GPM6B: variants seen among roughly 807,000 people sequenced by gnomAD.
GPM6B encodes the protein neuronal membrane glycoprotein M6-b.
GPM6B carries 4 observed loss-of-function variants against 27.2 expected under a neutral mutation model. The observed-to-expected ratio is 0.15, with a 90% CI of 0.07 to 0.34. GPM6B has a LOEUF of 0.34. Ranked by LOEUF, GPM6B falls within the 10% of genes least tolerant of loss-of-function variation. The pLI, the probability that GPM6B is intolerant of heterozygous loss-of-function variation, is 1.00. For missense variants in GPM6B, 183 were observed against 261.9 expected (o/e 0.70, Z 2.08); for synonymous variants, 124 against 103.1 (o/e 1.20, Z -1.23).
chrX:13,805,980 T>G (rs958855162), intron 2 of GPM6B, among the ~76,000 whole-genome samples: 1 of 110,272 alleles, frequency 9.1e-6, no homozygotes, highest in Non-Finnish European at 1.9e-5. Context: ...CATCTCATGG[T>G]TTTTTTTGCT....
chrX:13,785,598 T>C (rs1296133380), intron 3 of GPM6B, 24 bp downstream of exon 3: 1 of 1,201,350 alleles, frequency 8.3e-7, no homozygotes. Context: ...TTAGATGCAT[T>C]TTTAAAGGGA....
chrX:13,828,418 TCAG>T (rs2049401260), intron 1 of GPM6B, among the ~76,000 whole-genome samples: 1 of 111,305 alleles, frequency 9.0e-6, no homozygotes, highest in African/African-American at 3.3e-5. Context: ...ACTGTCCCCA[TCAG>T]CAAGAAGGCC....
chrX:13,816,542 C>T (rs144490767), intron 1 of GPM6B, among the ~76,000 whole-genome samples: 1,176 of 111,209 alleles, frequency 0.011, 12 homozygotes, highest in African/African-American at 0.036. Context: ...ACCTAAGTTA[C>T]GATTAATTAT....
At chrX:13,862,553 A>G (rs1196473147) in intron 1 of GPM6B, among the ~76,000 whole-genome samples, 3 of 112,326 alleles carry the variant, frequency 2.7e-5, no homozygotes, top group Non-Finnish European at 5.6e-5. Context: ...GTAGGTGGGC[A>G]ATATGAAGCA....
intron 1 of GPM6B, among the ~76,000 whole-genome samples, chrX:13,880,645 C>T (rs1457647937): frequency 2.4e-5 from 2 of 82,141 alleles, no homozygotes; most frequent in Non-Finnish European, 4.2e-5. Context: ...CACTGCACTC[C>T]AGCCTGGGAG....
At chrX:13,828,510 T>A (rs1313727733) in intron 1 of GPM6B, among the ~76,000 whole-genome samples, 1 of 111,705 alleles carries the variant, frequency 9.0e-6, no homozygotes, top group Non-Finnish European at 1.9e-5. Flanking sequence ...TCTTTGTAAG[T>A]TTCCCAATTT....
chrX:13,851,170 A>C (rs2147241457), intron 1 of GPM6B, among the ~76,000 whole-genome samples: 1 of 109,224 alleles, frequency 9.2e-6, no homozygotes, highest in East Asian at 2.8e-4. Flanking sequence ...CTCCAAAAAA[A>C]AAAAAAAAAA....
Position 13,827,611 on chromosome X carries a change from T to C in GPM6B, c.-197-41803A>G, listed in dbSNP as rs137998273. Among the ~76,000 whole-genome samples, 106 of 111,814 alleles carry C rather than the reference T, an allele frequency of 9.5e-4. 1 individual carries two copies. Among genetic ancestry groups the C allele is most frequent in the African/African-American group, 3.3e-3 (101 of 30,836 alleles). ...TGCCAACTTGGATGAGGCCTAACCTTCAATACTGTGCCACCATGGAAAGCT... is the reference window on the plus strand; with the variant it reads ...TGCCAACTTGGATGAGGCCTAACCTCCAATACTGTGCCACCATGGAAAGCT... On this transcript the variant is annotated intron_variant, in intron 1 of 6. Coordinates refer to the GPM6B transcript ENST00000398361.
intron 3 of GPM6B, among the ~76,000 whole-genome samples, chrX:13,784,831 G>C (rs1230662329): frequency 2.7e-5 from 3 of 111,900 alleles, no homozygotes; most frequent in Non-Finnish European, 5.6e-5. Flanking sequence ...CTGCTCTTCT[G>C]CAATGGAGGA....
At chrX:13,926,374 C>G (rs1162539543) in intron 1 of GPM6B, among the ~76,000 whole-genome samples, 2 of 108,542 alleles carry the variant, frequency 1.8e-5, no homozygotes, top group Non-Finnish European at 3.8e-5. Context: ...CGCCACTGCA[C>G]TCCAGCCTGG....
At chrX:13,807,551 G>T in intron 2 of GPM6B, 99 bp downstream of exon 2, 1 of 709,874 alleles carries the variant, frequency 1.4e-6, no homozygotes, top group Non-Finnish European at 2.0e-6. Flanking sequence ...AATGCACCAA[G>T]CAAAACATAA....
chrX:13,851,776 T>C (rs981281198), intron 1 of GPM6B, among the ~76,000 whole-genome samples: 5 of 111,302 alleles, frequency 4.5e-5, no homozygotes, highest in African/African-American at 1.6e-4. Flanking sequence ...TAGGGTATCA[T>C]TGCCAGGAAG....
At chrX:13,869,217 G>A in intron 1 of GPM6B, among the ~76,000 whole-genome samples, 1 of 112,145 alleles carries the variant, frequency 8.9e-6, no homozygotes, top group Non-Finnish European at 1.9e-5. Flanking sequence ...AGTGAAAGAA[G>A]CCAGACACAA....
At chrX:13,874,614 G>A (rs375193709) in intron 1 of GPM6B, among the ~76,000 whole-genome samples, 2 of 111,518 alleles carry the variant, frequency 1.8e-5, no homozygotes, top group East Asian at 2.8e-4. Flanking sequence ...GGAAGCCAGG[G>A]CAGGAGAATT....
At chrX:13,837,996 C>T (rs2049525391) in intron 1 of GPM6B, among the ~76,000 whole-genome samples, 1 of 111,048 alleles carries the variant, frequency 9.0e-6, no homozygotes, top group Non-Finnish European at 1.9e-5. Flanking sequence ...ATGACATCAC[C>T]TTTCTTCCTG....
chrX:13,816,969 C>T lies in GPM6B; in HGVS notation c.-65G>A. ...CACACACTTGTTTTTCCTCCTCTTC[C>T]TTTTCTTTTGGACTCCCCTCCGTCT... is the stretch of plus-strand genomic sequence containing the variant. On this transcript the variant is annotated 5_prime_UTR_variant, in exon 1 of 8. Transcript: ENST00000316715. 1 of 1,157,987 alleles carries T rather than the reference C, an allele frequency of 8.6e-7. No homozygotes were observed. The highest frequency in any genetic ancestry group is 1.8e-5 in the African/African-American group (1 of 55,171).
rs143670336 is a variant in GPM6B, at chrX:13,872,351, G to A, written c.-198+65976C>T. On this transcript the variant is annotated intron_variant, in intron 1 of 6. Coordinates refer to the GPM6B transcript ENST00000398361. The stretch of plus-strand genomic sequence containing the variant: ...ACACCGGGCTATTTTTTTATTTTTT[G>A]TAGATACGGGGTTTCACTATGTTGC... 8.0e-3 allele frequency among the ~76,000 whole-genome samples: 869 copies of A among 109,111 alleles called. 9 individuals are homozygous for A. The highest frequency in any genetic ancestry group is 0.027 in the African/African-American group (802 of 29,913). The allele number at this position is 109,111 out of a possible 115,157, so 94.7% of individuals were successfully genotyped here. A position where few individuals can be genotyped will look rare whatever the true frequency, so the allele number is the denominator to read the frequency against.
At chrX:13,904,820 A>G (rs1309292135) in intron 1 of GPM6B, among the ~76,000 whole-genome samples, 1 of 110,366 alleles carries the variant, frequency 9.1e-6, no homozygotes, top group East Asian at 2.8e-4. Flanking sequence ...TTACACCACA[A>G]CCATCCTCTA....
intron 1 of GPM6B, among the ~76,000 whole-genome samples, chrX:13,898,184 A>T (rs991382781): frequency 9.0e-6 from 1 of 111,073 alleles, no homozygotes; most frequent in Non-Finnish European, 1.9e-5. Flanking sequence ...TGGGCCAGAT[A>T]ATTCTTTCTG....
Sources: gnomAD v4.1 joint callset for allele counts (sites outside exome capture counted in the v4.1 genomes callset) on GRCh38, gnomAD v4.1.1 for gene constraint, MANE v1.5 for transcripts, NCBI Gene and HGNC (gene_info 2026-07-23, HGNC 2026-07-21) for gene names.